SNAP91: variants seen among roughly 807,000 people sequenced by gnomAD.
The protein encoded by SNAP91 is synaptosome associated protein 91, also known as clathrin coat assembly protein AP180.
A neutral mutation model predicts 100.3 loss-of-function variants in SNAP91; 27 were observed. The observed-to-expected ratio is 0.27, with a 90% CI of 0.20 to 0.37. The LOEUF (loss-of-function observed/expected upper bound fraction) is 0.37, where lower values mean the gene tolerates loss of function less well. Among genes scored for constraint, SNAP91 ranks in the 10% least tolerant of loss-of-function variants. The pLI, the probability that SNAP91 is intolerant of heterozygous loss-of-function variation, is 1.00. For missense variants in SNAP91, 986 were observed against 1,123.7 expected (o/e 0.88, Z 1.75); for synonymous variants, 404 against 398.6 (o/e 1.01, Z -0.16).
At chr6:83,658,914 G>T in intron 6 of SNAP91, 85 bp downstream of exon 6, 1 of 991,732 alleles carries the variant, frequency 1.0e-6, no homozygotes, top group Non-Finnish European at 1.5e-6. Context: ...GCTTCCCGAG[G>T]AAATCTTTGG....
intron 8 of SNAP91, among the ~76,000 whole-genome samples, chr6:83,633,842 C>T (rs962953569): frequency 6.6e-6 from 1 of 152,054 alleles, no homozygotes; most frequent in African/African-American, 2.4e-5. Flanking sequence ...TCTTCTTCCC[C>T]TGCCTGTGGT....
intron 28 of SNAP91, among the ~76,000 whole-genome samples, chr6:83,559,112 G>A (rs1295578734): frequency 6.6e-6 from 1 of 152,138 alleles, no homozygotes; most frequent in African/African-American, 2.4e-5. Context: ...TGTTATTCAA[G>A]GTGGGCTCTG....
At chr6:83,681,832 C>A (rs2098993800) in intron 2 of SNAP91, among the ~76,000 whole-genome samples, 1 of 152,102 alleles carries the variant, frequency 6.6e-6, no homozygotes. Flanking sequence ...TCTAGAATGA[C>A]AAATGGTGGC....
intron 2 of SNAP91, 120 bp downstream of exon 2, chr6:83,707,678 G>C (rs2099398865): frequency 3.7e-6 from 5 of 1,347,078 alleles, no homozygotes; most frequent in Non-Finnish European, 5.0e-6. Context: ...TCAGCTCAGG[G>C]GCAACCTGGC....
intron 20 of SNAP91, 70 bp downstream of exon 20, chr6:83,592,875 GT>G (rs1035330144): frequency 3.4e-6 from 4 of 1,160,086 alleles, no homozygotes; most frequent in Non-Finnish European, 5.0e-6. Context: ...AAACCCACAT[GT>G]TATATCCTTC....
chr6:83,575,220 C>T, intron 25 of SNAP91, 99 bp from the exon 26 acceptor site: 1 of 844,180 alleles, frequency 1.2e-6, no homozygotes, highest in South Asian at 1.5e-5. Flanking sequence ...GGTTTAAAAG[C>T]AGTTTATTTA....
chr6:83,646,980 T>C (rs1259359294), intron 7 of SNAP91, among the ~76,000 whole-genome samples: 1 of 152,184 alleles, frequency 6.6e-6, no homozygotes, highest in Non-Finnish European at 1.5e-5. Flanking sequence ...AATTTCAAAT[T>C]CTGCTTGTTC....
chr6:83,695,244 T>C (rs1322318191), intron 2 of SNAP91, among the ~76,000 whole-genome samples: 1 of 117,706 alleles, frequency 8.5e-6, no homozygotes, highest in African/African-American at 3.4e-5. Context: ...GCCACTGCAC[T>C]CCAGCCTGGG....
At chr6:83,578,720 A>G (rs563486171) in intron 24 of SNAP91, among the ~76,000 whole-genome samples, 1 of 152,244 alleles carries the variant, frequency 6.6e-6, no homozygotes, top group East Asian at 1.9e-4. Flanking sequence ...ACTGCACAAA[A>G]GTATTACATT....
At chr6:83,583,341 T>G (rs1410676452) in intron 22 of SNAP91, among the ~76,000 whole-genome samples, 1 of 152,294 alleles carries the variant, frequency 6.6e-6, no homozygotes. Flanking sequence ...CTTTTCATGT[T>G]TTTTCCACTA....
intron 2 of SNAP91, among the ~76,000 whole-genome samples, chr6:83,694,229 T>C (rs2099165963): frequency 6.6e-6 from 1 of 152,214 alleles, no homozygotes; most frequent in South Asian, 2.1e-4. Context: ...GATGAGGCCA[T>C]TAATAGATTT....
chr6:83,636,326 T>G (rs548927505), intron 8 of SNAP91, among the ~76,000 whole-genome samples: 1 of 152,182 alleles, frequency 6.6e-6, no homozygotes, highest in East Asian at 1.9e-4. Context: ...GTTGCTTTAC[T>G]TAACACCATA....
chr6:83,568,304 T>C (rs970409651), intron 26 of SNAP91, among the ~76,000 whole-genome samples: 8 of 151,654 alleles, frequency 5.3e-5, no homozygotes, highest in Admixed American at 3.9e-4. Context: ...ATGAGAACAC[T>C]TGGACACAGG....
At chr6:83,555,045 G>A (rs2127742099) in intron 29 of SNAP91, among the ~76,000 whole-genome samples, 1 of 152,260 alleles carries the variant, frequency 6.6e-6, no homozygotes, top group South Asian at 2.1e-4. Flanking sequence ...TAAGTAAGAG[G>A]TGAATACAGG....
intron 14 of SNAP91, 26 bp from the exon 15 acceptor site, chr6:83,601,625 A>G (rs760902726): frequency 6.2e-7 from 1 of 1,608,622 alleles, no homozygotes; most frequent in Non-Finnish European, 8.5e-7. Context: ...ACATGGCAGC[A>G]TAAGAATAAA....
chr6:83,604,376 G>T (rs534104105), intron 14 of SNAP91, among the ~76,000 whole-genome samples: 1 of 152,220 alleles, frequency 6.6e-6, no homozygotes, highest in East Asian at 1.9e-4. Context: ...AGCCTTAGGA[G>T]TTGAACATTT....
At chr6:83,579,976 AT>A (rs1825753575) in intron 24 of SNAP91, among the ~76,000 whole-genome samples, 1 of 152,180 alleles carries the variant, frequency 6.6e-6, no homozygotes, top group Admixed American at 6.5e-5. Context: ...AAGTACAGAC[AT>A]TTTTATCTGT....
At chr6:83,660,803 C>G (rs1384018839) in intron 5 of SNAP91, among the ~76,000 whole-genome samples, 1 of 149,364 alleles carries the variant, frequency 6.7e-6, no homozygotes, top group Non-Finnish European at 1.5e-5. Flanking sequence ...GACACAGGGT[C>G]TTAGAGACAG....
chr6:83,577,931 T>A (rs1478026884), intron 24 of SNAP91, among the ~76,000 whole-genome samples: 1 of 152,180 alleles, frequency 6.6e-6, no homozygotes, highest in Non-Finnish European at 1.5e-5. Context: ...TGTATGCATT[T>A]GTCTATTCTG....
Sources: allele counts gnomAD v4.1 joint callset (sites outside exome capture counted in the v4.1 genomes callset), GRCh38; gene constraint gnomAD v4.1.1; transcripts MANE v1.5; gene names NCBI Gene and HGNC (gene_info 2026-07-23, HGNC 2026-07-21).